The following CNTNAP2 variants were observed in gnomAD, a reference collection of about 807,000 sequenced individuals.
CNTNAP2 encodes contactin-associated protein-like 2.
A neutral mutation model predicts 155.2 loss-of-function variants in CNTNAP2; 98 were observed. The observed-to-expected ratio is 0.63, with a 90% CI of 0.54 to 0.75. The LOEUF is 0.75. CNTNAP2 is among the 30% of genes least tolerant of loss of function. The pLI is 0.00. For missense variants in CNTNAP2, 1,727 were observed against 1,688.1 expected, an observed-to-expected ratio of 1.02 and a Z score of -0.40; for synonymous variants, 651 against 631.2, an observed-to-expected ratio of 1.03 and a Z score of -0.47.
intron 13 of CNTNAP2, among the ~76,000 whole-genome samples, chr7:147,704,980 A>G (rs1446225699): frequency 6.6e-6 from 1 of 151,920 alleles, no homozygotes; most frequent in Non-Finnish European, 1.5e-5. Context: ...TGTCTAGCTA[A>G]CAGTTTATTG....
At chr7:146,727,883 G>A (rs1452833992) in intron 1 of CNTNAP2, among the ~76,000 whole-genome samples, 1 of 152,142 alleles carries the variant, frequency 6.6e-6, no homozygotes, top group Non-Finnish European at 1.5e-5. Context: ...CCCCCTAGAT[G>A]TCCATTGAAG....
intron 12 of CNTNAP2, among the ~76,000 whole-genome samples, chr7:147,620,797 G>A (rs1044249422): frequency 6.6e-6 from 1 of 151,558 alleles, no homozygotes; most frequent in Non-Finnish European, 1.5e-5. Context: ...ATAAAGAGGA[G>A]GTAGAAAAAG....
intron 1 of CNTNAP2, among the ~76,000 whole-genome samples, chr7:146,689,756 G>C (rs578250853): frequency 6.6e-6 from 1 of 152,046 alleles, no homozygotes; most frequent in East Asian, 1.9e-4. Context: ...TTTCTTCAGG[G>C]AATCAAAAGC....
rs564919086 is a variant in CNTNAP2 at position 147,351,300 on chromosome 7, A to G, written c.1499-44309A>G. Among the ~76,000 whole-genome samples, 27 of 151,902 alleles carry G rather than the reference A, an allele frequency of 1.8e-4. No homozygotes were observed. In the South Asian group the frequency reaches 5.4e-3, roughly 30 times the overall value. On this transcript the variant is annotated intron_variant, in intron 9 of 23. Coordinates refer to ENST00000361727, the MANE Select transcript of CNTNAP2 (RefSeq NM_014141.6). ...TTAAGCTTATAAATTTGTATATATT[A>G]TACTAATTTCTGAATATAAGCACAG...
At chr7:146,288,584 CT>C (rs1800376749) in intron 1 of CNTNAP2, among the ~76,000 whole-genome samples, 1 of 151,554 alleles carries the variant, frequency 6.6e-6, no homozygotes, top group South Asian at 2.1e-4. Context: ...TTCCAAAAAC[CT>C]TAAGGACTTA....
chr7:148,384,901 TC>T (rs1799155555), intron 22 of CNTNAP2, among the ~76,000 whole-genome samples: 2 of 152,206 alleles, frequency 1.3e-5, no homozygotes, highest in Admixed American at 1.3e-4. Flanking sequence ...ACGTGTTTTA[TC>T]ACAAGCGTTA....
At chr7:146,226,987 T>C (rs1363638865) in intron 1 of CNTNAP2, among the ~76,000 whole-genome samples, 4 of 152,216 alleles carry the variant, frequency 2.6e-5, no homozygotes, top group Non-Finnish European at 5.9e-5. Flanking sequence ...TTATGAGTTA[T>C]TTATACTAAA....
At chr7:147,353,378 A>G (rs1473288660) in intron 9 of CNTNAP2, among the ~76,000 whole-genome samples, 1 of 151,770 alleles carries the variant, frequency 6.6e-6, no homozygotes, top group Admixed American at 6.6e-5. Context: ...ACTCTCACTT[A>G]TGAGTGAGAA....
Position 148,419,600 on chromosome 7 carries a change from A to ATTTTTT in CNTNAP2, c.*3994_*3999dup, listed in dbSNP as rs35835723. 7.0e-6 allele frequency: 1 copy of ATTTTTT among 142,344 alleles called. No homozygotes were observed. Among genetic ancestry groups the ATTTTTT allele is most frequent in the African/African-American group, 2.6e-5 (1 of 38,484 alleles). The allele number at this position is 142,344 out of a possible 1,614,324, so 8.8% of individuals were successfully genotyped here. A position where few individuals can be genotyped will look rare whatever the true frequency, so the allele number is the denominator to read the frequency against. On this transcript the variant is annotated 3_prime_UTR_variant, in exon 24 of 24. Transcript: ENST00000361727. Reference sequence around the variant, plus strand: ...AGGCACCCGCCATCACACCCAGCTAATTTTTTTTTTTTTTTGTATTATTAG... The same window carrying ATTTTTT: ...AGGCACCCGCCATCACACCCAGCTAATTTTTTTTTTTTTTTTTTTTTGTATTATTAG...
At chr7:146,263,095 A>G (rs913026408) in intron 1 of CNTNAP2, among the ~76,000 whole-genome samples, 2 of 151,996 alleles carry the variant, frequency 1.3e-5, no homozygotes, top group Non-Finnish European at 2.9e-5. Flanking sequence ...GAGGCGGACA[A>G]ATCATGAGGT....
At chr7:147,853,037 G>C (rs1306773968) in intron 13 of CNTNAP2, among the ~76,000 whole-genome samples, 1 of 152,100 alleles carries the variant, frequency 6.6e-6, no homozygotes, top group African/African-American at 2.4e-5. Flanking sequence ...AGGAAGAAAG[G>C]GCTTGTCAAT....
intron 2 of CNTNAP2, among the ~76,000 whole-genome samples, chr7:146,790,355 T>C (rs1211679926): frequency 6.6e-6 from 1 of 152,180 alleles, no homozygotes; most frequent in Non-Finnish European, 1.5e-5. Flanking sequence ...AAACCAAATA[T>C]TGGTATTTTG....
rs545597835 is a variant in CNTNAP2, at chr7:147,609,928, G to T, written c.1898-29178G>T. On this transcript the variant is annotated intron_variant, in intron 12 of 23. Transcript: ENST00000361727. ...AAGACAAATGGCCCAGAGCATAGGG[G>T]ATAGTCTGAGTGCAGGGTTCACCTC... is the stretch of plus-strand genomic sequence containing the variant. 5.3e-5 allele frequency among the ~76,000 whole-genome samples: 8 copies of T among 152,188 alleles called. No individual in the cohort carries two copies. In the South Asian group the frequency reaches 8.3e-4, roughly 16 times the overall value.
chr7:147,425,180 A>C (rs1024961523), intron 10 of CNTNAP2, among the ~76,000 whole-genome samples: 19 of 150,852 alleles, frequency 1.3e-4, no homozygotes, highest in Admixed American at 1.3e-4. Flanking sequence ...GATGATGAGA[A>C]TAATGCATGT....
At chr7:148,190,300 A>G (rs1251207550) in intron 18 of CNTNAP2, 1 of 152,228 alleles carries the variant, frequency 6.6e-6, no homozygotes, top group Non-Finnish European at 1.5e-5. Flanking sequence ...AAGCTTTGAG[A>G]TGACCTAAGG....
intron 21 of CNTNAP2, 49 bp from the exon 22 acceptor site, chr7:148,383,600 C>G: frequency 6.2e-7 from 1 of 1,614,012 alleles, no homozygotes; most frequent in Non-Finnish European, 8.5e-7. Flanking sequence ...TGTTGTACAG[C>G]TGGACTATGG....
At chr7:148,011,967 T>C (rs1802089253) in intron 15 of CNTNAP2, among the ~76,000 whole-genome samples, 2 of 152,218 alleles carry the variant, frequency 1.3e-5, no homozygotes, top group Non-Finnish European at 2.9e-5. Context: ...GGCACTTTCC[T>C]GTCCCTGGAA....
At chr7:146,387,320 A>G (rs554371532) in intron 1 of CNTNAP2, among the ~76,000 whole-genome samples, 1 of 152,312 alleles carries the variant, frequency 6.6e-6, no homozygotes, top group East Asian at 1.9e-4. Flanking sequence ...AAGAGCAGAC[A>G]TTCAAGATCC....
intron 1 of CNTNAP2, among the ~76,000 whole-genome samples, chr7:146,463,446 A>G (rs766092340): frequency 3.2e-4 from 49 of 152,234 alleles, no homozygotes; most frequent in African/African-American, 1.0e-3. Flanking sequence ...AGTGGAATCA[A>G]TATGTTAAAT....
Sources: gnomAD v4.1 joint callset for allele counts (sites outside exome capture counted in the v4.1 genomes callset) on GRCh38, gnomAD v4.1.1 for gene constraint, MANE v1.5 for transcripts, NCBI Gene and HGNC (gene_info 2026-07-23, HGNC 2026-07-21) for gene names.